The following ATP10A variants were observed in gnomAD, a reference collection of about 807,000 sequenced individuals.
The protein encoded by ATP10A is phospholipid-transporting ATPase VA.
Under a neutral mutation model 147.8 loss-of-function variants are expected in ATP10A, and 111 were observed. The observed-to-expected ratio is 0.75, with a 90% CI of 0.64 to 0.88. The LOEUF is 0.88. Ranked by LOEUF, ATP10A falls within the 40% of genes least tolerant of loss-of-function variation. The pLI, the probability that ATP10A is intolerant of heterozygous loss-of-function variation, is 0.00. For missense variants in ATP10A, 1,927 were observed against 1,959.0 expected (o/e 0.98, Z 0.31); for synonymous variants, 875 against 841.6 (o/e 1.04, Z -0.69).
upstream of ATP10A, chr15:25,863,778 G>A (rs1287434264): frequency 1.3e-5 from 2 of 152,182 alleles, no homozygotes; most frequent in African/African-American, 4.8e-5. Flanking sequence ...TGCTCCTGGG[G>A]AGCCCTGGGA....
At chr15:25,708,370 G>A in intron 10 of ATP10A, 70 bp from the exon 11 acceptor site, 1 of 1,362,444 alleles carries the variant, frequency 7.3e-7, no homozygotes, top group Non-Finnish European at 1.0e-6. Context: ...GACACTCCGA[G>A]ATTTACCCCA....
chr15:25,836,140 G>T (rs753139775), intron 1 of ATP10A, among the ~76,000 whole-genome samples: 3 of 152,182 alleles, frequency 2.0e-5, no homozygotes, highest in Non-Finnish European at 4.4e-5. Flanking sequence ...GTAGAGACAA[G>T]ATCTCACTAT....
chr15:25,822,626 C>T (rs1047192157), intron 1 of ATP10A, among the ~76,000 whole-genome samples: 1 of 152,332 alleles, frequency 6.6e-6, no homozygotes, highest in South Asian at 2.1e-4. Flanking sequence ...AAACAAAACC[C>T]TGACCTGTCT....
chr15:25,850,395 G>A (rs1340470687), intron 1 of ATP10A, among the ~76,000 whole-genome samples: 3 of 152,110 alleles, frequency 2.0e-5, no homozygotes, highest in Non-Finnish European at 4.4e-5. Flanking sequence ...CGTTTTGTAC[G>A]GGGAACAAAA....
intron 1 of ATP10A, among the ~76,000 whole-genome samples, chr15:25,804,305 G>C (rs1260919744): frequency 6.6e-6 from 1 of 151,024 alleles, no homozygotes; most frequent in Non-Finnish European, 1.5e-5. Context: ...GAGTGTTCGT[G>C]TGTGTCTAAT....
chr15:25,749,876 C>A (rs1888056047), intron 2 of ATP10A, among the ~76,000 whole-genome samples: 1 of 151,884 alleles, frequency 6.6e-6, no homozygotes, highest in Non-Finnish European at 1.5e-5. Flanking sequence ...TTAGAACTTA[C>A]AAAAGAAAAA....
At chr15:25,836,778 T>G (rs1254225882) in intron 1 of ATP10A, among the ~76,000 whole-genome samples, 1 of 152,168 alleles carries the variant, frequency 6.6e-6, no homozygotes, top group Non-Finnish European at 1.5e-5. Flanking sequence ...CTATCGTTAC[T>G]GTCGGTTCAC....
At chr15:25,834,748 G>A (rs1892517932) in intron 1 of ATP10A, among the ~76,000 whole-genome samples, 1 of 152,186 alleles carries the variant, frequency 6.6e-6, no homozygotes, top group Admixed American at 6.5e-5. Flanking sequence ...TAAACAAGAT[G>A]TGGTACATCC....
chr15:25,836,188 A>G (rs568619248), intron 1 of ATP10A, among the ~76,000 whole-genome samples: 50 of 152,240 alleles, frequency 3.3e-4, no homozygotes, highest in African/African-American at 1.2e-3. Context: ...ACCTCGAGTG[A>G]TCATCTTGCC....
At chr15:25,740,843 C>T (rs576894284) in intron 2 of ATP10A, among the ~76,000 whole-genome samples, 4 of 152,328 alleles carry the variant, frequency 2.6e-5, no homozygotes, top group Non-Finnish European at 5.9e-5. Context: ...ATCCTCATCC[C>T]GTGCAACAGC....
chr15:25,798,855 G>A (rs553129631), intron 1 of ATP10A, among the ~76,000 whole-genome samples: 3 of 152,246 alleles, frequency 2.0e-5, no homozygotes, highest in East Asian at 1.9e-4. Context: ...GGCACCGTGC[G>A]CCTCCCGCAT....
At chr15:25,775,585 C>A (rs1043065999) in intron 2 of ATP10A, among the ~76,000 whole-genome samples, 1 of 151,930 alleles carries the variant, frequency 6.6e-6, no homozygotes, top group Admixed American at 6.6e-5. Flanking sequence ...CACCACTGTG[C>A]ACACACACAC....
At chr15:25,774,790 G>C (rs909054595) in intron 2 of ATP10A, among the ~76,000 whole-genome samples, 7 of 151,954 alleles carry the variant, frequency 4.6e-5, no homozygotes, top group Admixed American at 3.3e-4. Flanking sequence ...ATTACCTACA[G>C]AACTGAATTT....
intron 9 of ATP10A, among the ~76,000 whole-genome samples, 195 bp from the exon 10 acceptor site, chr15:25,714,436 T>A (rs1901652458): frequency 6.6e-6 from 1 of 152,056 alleles, no homozygotes; most frequent in African/African-American, 2.4e-5. Context: ...AGTGTCGCAA[T>A]AAACATGTTG....
chr15:25,737,976 C>T (rs909023692), intron 2 of ATP10A, among the ~76,000 whole-genome samples: 3 of 152,154 alleles, frequency 2.0e-5, no homozygotes, highest in Non-Finnish European at 4.4e-5. Context: ...AATAAACTTC[C>T]GTTGCTTAAG....
At position 25,807,172 on chromosome 15, in the gene ATP10A, C is replaced by T. The variant is rs530318891; in HGVS notation, c.450-25949G>A. Among the ~76,000 whole-genome samples the T allele has an allele frequency of 1.8e-3, 273 of 152,324 alleles. 1 individual carries two copies. The highest frequency in any genetic ancestry group is 3.1e-3 in the Admixed American group (47 of 15,312). The stretch of plus-strand genomic sequence containing the variant: ...CTTTTCTCCCCTGGTGGCATCCTTA[C>T]GTTTTTCAAGCATCTGCTCCAATGT... On this transcript the variant is annotated intron_variant, in intron 1 of 20. Transcript: ENST00000555815.
chr15:25,682,653 C>G (rs1036657481), intron 17 of ATP10A, among the ~76,000 whole-genome samples: 1 of 152,224 alleles, frequency 6.6e-6, no homozygotes, highest in African/African-American at 2.4e-5. Context: ...CCTGGCACCC[C>G]GTGCATGCGG....
chr15:25,714,965 TACACACACACACACAC>T (rs10523875), intron 9 of ATP10A, among the ~76,000 whole-genome samples: 2 of 145,612 alleles, frequency 1.4e-5, no homozygotes, highest in African/African-American at 5.1e-5. Flanking sequence ...ATGACACATA[TACACACACACACACAC>T]ACACACACAC....
At chr15:25,673,119 G>A (rs1355361957), downstream of ATP10A, among the ~76,000 whole-genome samples, 4 of 152,208 alleles carry the variant, frequency 2.6e-5, no homozygotes, top group South Asian at 6.2e-4. Context: ...AGGGCTGCAG[G>A]GTGGGCTGCC....
Sources: gnomAD v4.1 joint callset for allele counts (sites outside exome capture counted in the v4.1 genomes callset) on GRCh38, gnomAD v4.1.1 for gene constraint, MANE v1.5 for transcripts, NCBI Gene and HGNC (gene_info 2026-07-23, HGNC 2026-07-21) for gene names.